Variants in CELF2 observed in about 807,000 individuals in gnomAD.
CELF2 encodes the protein CUGBP Elav-like family member 2.
CELF2 carries 8 observed loss-of-function variants against 62.6 expected under a neutral mutation model. The observed-to-expected ratio is 0.13, with a 90% CI of 0.07 to 0.23. CELF2 has a LOEUF of 0.23. Ranked by LOEUF, CELF2 falls within the 10% of genes least tolerant of loss-of-function variation. CELF2 has a pLI of 1.00. For missense variants in CELF2, 333 were observed against 671.0 expected, an observed-to-expected ratio of 0.50 and a Z score of 5.56; for synonymous variants, 258 against 250.0, an observed-to-expected ratio of 1.03 and a Z score of -0.30.
At chr10:11,170,579 A>G (rs56349930) in intron 2 of CELF2, among the ~76,000 whole-genome samples, 7,331 of 151,958 alleles carry the variant, frequency 0.048, 258 homozygotes, top group Non-Finnish European at 0.072. Flanking sequence ...GGCATCGTAG[A>G]AGGCCAGGAA....
chr10:11,295,207 A>ATT (rs137918228), intron 9 of CELF2, among the ~76,000 whole-genome samples: 16 of 150,922 alleles, frequency 1.1e-4, no homozygotes, highest in African/African-American at 1.5e-4. Flanking sequence ...CTCTTGATAG[A>ATT]TTTTTTTTTT....
At chr10:10,656,934 A>ACT in the CELF2 span, among the ~76,000 whole-genome samples, 1 of 149,230 alleles carries the variant, frequency 6.7e-6, no homozygotes, top group Non-Finnish European at 1.5e-5. Context: ...AAAAAAAAAA[A>ACT]GAAAACGTGT....
chr10:10,746,630 C>G, the CELF2 span, among the ~76,000 whole-genome samples: 1 of 152,154 alleles, frequency 6.6e-6, no homozygotes, highest in African/African-American at 2.4e-5. Context: ...TGAACAGAAA[C>G]CAACATTGTG....
rs796598655 is a variant in CELF2, at chr10:11,178,172, G to A, written c.271+12490G>A. Among the ~76,000 whole-genome samples, 14 of 152,332 alleles carry A rather than the reference G, an allele frequency of 9.2e-5. No homozygotes were observed. Among genetic ancestry groups the A allele is most frequent in the African/African-American group, 2.9e-4 (12 of 41,574 alleles). On this transcript the variant is annotated intron_variant, in intron 2 of 12. Transcript: ENST00000633077. The surrounding 1 kb of genome is among the most constrained non-coding windows in gnomAD (Gnocchi z 4.3). ...GGTTCGGCGCAAAGAGGAAATGCGCGTTCTGTGCCCAGTCCTCGCTCCCCT... is the reference window on the plus strand; with the variant it reads ...GGTTCGGCGCAAAGAGGAAATGCGCATTCTGTGCCCAGTCCTCGCTCCCCT...
At chr10:11,317,334 T>C (rs933751706) in intron 10 of CELF2, 1 of 152,242 alleles carries the variant, frequency 6.6e-6, no homozygotes, top group Non-Finnish European at 1.5e-5. Flanking sequence ...CTAATATCTA[T>C]AGTTTACACA....
At chr10:10,475,421 C>T in the CELF2 span, among the ~76,000 whole-genome samples, 1 of 151,260 alleles carries the variant, frequency 6.6e-6, no homozygotes, top group Non-Finnish European at 1.5e-5. Flanking sequence ...AAGGTACTGA[C>T]TTACCAACAT....
chr10:10,827,008 T>C (rs1454435550), intron 1 of CELF2, among the ~76,000 whole-genome samples: 4 of 152,074 alleles, frequency 2.6e-5, no homozygotes, highest in African/African-American at 7.2e-5. Flanking sequence ...GGGAATGAGG[T>C]GTGAAGGAAT....
At chr10:10,473,826 A>G in the CELF2 span, among the ~76,000 whole-genome samples, 1 of 152,014 alleles carries the variant, frequency 6.6e-6, no homozygotes, top group Non-Finnish European at 1.5e-5. Context: ...GAATCATGTC[A>G]TTTTCCACTT....
Position 10,987,254 on chromosome 10 carries a change from TC to T in CELF2, c.89+67256del, listed in dbSNP as rs1295762727. ...AAACATTGTAACAGCTCTCTAGAGA[TC>T]TTTTTTTTTTTTTCATTTCTGGCAT... On this transcript the variant is annotated intron_variant, in intron 2 of 13. Transcript: ENST00000636488. Among the ~76,000 whole-genome samples the T allele has an allele frequency of 3.1e-5, 4 of 129,870 alleles. No homozygotes were observed. The East Asian group carries it at 5.8e-4, about 19-fold the overall frequency. The allele number at this position is 129,870 out of a possible 152,430, so 85.2% of individuals were successfully genotyped here.
intron 2 of CELF2, among the ~76,000 whole-genome samples, chr10:11,210,595 A>C (rs2061557671): frequency 6.6e-6 from 1 of 152,236 alleles, no homozygotes; most frequent in African/African-American, 2.4e-5. Flanking sequence ...TAGCAGTTAG[A>C]ACTAGAACTT....
chr10:10,585,238 A>C, the CELF2 span, among the ~76,000 whole-genome samples: 1 of 152,186 alleles, frequency 6.6e-6, no homozygotes, highest in Non-Finnish European at 1.5e-5. Flanking sequence ...CTTCTTGCCA[A>C]ACCATAAATC....
the CELF2 span, among the ~76,000 whole-genome samples, chr10:10,542,381 A>G: frequency 1.3e-5 from 2 of 152,198 alleles, no homozygotes; most frequent in Non-Finnish European, 2.9e-5. Context: ...AAAAAACACC[A>G]GGGCAAGTAG....
chr10:11,297,484 G>GT lies in CELF2; in HGVS notation c.976+8933dup, dbSNP rs1026044603. On this transcript the variant is annotated intron_variant, in intron 9 of 12. Coordinates refer to ENST00000633077, the MANE Select transcript of CELF2 (RefSeq NM_001326342.2). This position sits in a 1 kb window ranked among gnomAD's most constrained non-coding sequence, Gnocchi z 4.4. Reference sequence around the variant, plus strand: ...AGGGGATGGAAAGGGAGCTTTCTGGGTAGCACAGTGTCAGGGGAGCCAAGC... The same window carrying GT: ...AGGGGATGGAAAGGGAGCTTTCTGGGTTAGCACAGTGTCAGGGGAGCCAAGC... 5.3e-5 allele frequency among the ~76,000 whole-genome samples: 8 copies of GT among 152,104 alleles called. No individual in the cohort carries two copies. The highest frequency in any genetic ancestry group is 4.6e-4 in the Admixed American group (7 of 15,272).
At chr10:11,197,105 A>T (rs2058157229) in intron 2 of CELF2, among the ~76,000 whole-genome samples, 1 of 150,432 alleles carries the variant, frequency 6.6e-6, no homozygotes, top group Non-Finnish European at 1.5e-5. Context: ...AAGGGTTCCC[A>T]TTGTTCTCGC....
intron 3 of CELF2, among the ~76,000 whole-genome samples, chr10:11,225,558 T>G (rs2066240477): frequency 6.6e-6 from 1 of 152,364 alleles, no homozygotes; most frequent in South Asian, 2.1e-4. Context: ...AAGCTTTGAC[T>G]ATACCCTTTG....
chr10:11,068,565 CTGT>C (rs933298216), intron 1 of CELF2, among the ~76,000 whole-genome samples: 1 of 125,718 alleles, frequency 8.0e-6, no homozygotes, highest in African/African-American at 3.2e-5. Context: ...AACATTATTT[CTGT>C]TTTTTTTTTT....
intron 1 of CELF2, among the ~76,000 whole-genome samples, chr10:10,908,213 G>GGTTTTTTTTTT (rs1564802363): frequency 1.5e-4 from 4 of 26,532 alleles, no homozygotes; most frequent in Non-Finnish European, 2.7e-4. Context: ...TGTATGAGGG[G>GGTTTTTTTTTT]ATTTTTTTTT....
Position 11,244,360 on chromosome 10 carries a change from A to G in CELF2, c.355-4793A>G, listed in dbSNP as rs997531848. On this transcript the variant is annotated intron_variant, in intron 3 of 12. Coordinates refer to ENST00000633077, the MANE Select transcript of CELF2 (RefSeq NM_001326342.2). This position sits in a 1 kb window ranked among gnomAD's most constrained non-coding sequence, Gnocchi z 4.2. ...TTGTTTTCGGTGAATGTTCTTTTTA[A>G]CAACTTCCATTGGCCGGGCGTGGTG... Among the ~76,000 whole-genome samples, 4 of 152,280 alleles carry G rather than the reference A, an allele frequency of 2.6e-5. No individual in the cohort carries two copies. The highest frequency in any genetic ancestry group is 5.9e-5 in the Non-Finnish European group (4 of 68,014).
chr10:11,079,010 G>C (rs1198616425), intron 1 of CELF2, among the ~76,000 whole-genome samples: 1 of 152,168 alleles, frequency 6.6e-6, no homozygotes, highest in Non-Finnish European at 1.5e-5. Flanking sequence ...TTTGGAGTCT[G>C]TGTGTACAGT....
Sources: allele counts gnomAD v4.1 joint callset (sites outside exome capture counted in the v4.1 genomes callset), GRCh38; gene constraint gnomAD v4.1.1; non-coding constraint Gnocchi (gnomAD v3.1); transcripts MANE v1.5; gene names NCBI Gene and HGNC (gene_info 2026-07-23, HGNC 2026-07-21).